The following SPAG9 variants were observed in gnomAD, a reference collection of about 807,000 sequenced individuals.
SPAG9 encodes the protein sperm associated antigen 9.
A neutral mutation model predicts 166.5 loss-of-function variants in SPAG9; 35 were observed. That is an observed-to-expected ratio of 0.21 (90% confidence interval 0.16 to 0.28). The LOEUF is 0.28. Among genes scored for constraint, SPAG9 ranks in the 10% least tolerant of loss-of-function variants. The pLI, the probability that SPAG9 is intolerant of heterozygous loss-of-function variation, is 1.00. For synonymous variants in SPAG9, 534 were observed against 565.5 expected, an observed-to-expected ratio of 0.94 and a Z score of 0.79; for missense variants, 1,235 against 1,603.3, an observed-to-expected ratio of 0.77 and a Z score of 3.92.
At chr17:51,038,450 A>G (rs2046705794) in intron 5 of SPAG9, among the ~76,000 whole-genome samples, 1 of 152,238 alleles carries the variant, frequency 6.6e-6, no homozygotes, top group African/African-American at 2.4e-5. Flanking sequence ...GAAGCTGAAT[A>G]TATTGAAATA....
Position 51,084,756 on chromosome 17 carries a change from T to A in SPAG9, c.304-5052A>T, listed in dbSNP as rs11650280. Among the ~76,000 whole-genome samples, 606 of 152,190 alleles carry A rather than the reference T, an allele frequency of 4.0e-3. 3 individuals are homozygous for A. Among genetic ancestry groups the A allele is most frequent in the Middle Eastern group, 6.8e-3 (2 of 294 alleles). On this transcript the variant is annotated intron_variant, in intron 1 of 29. Transcript: ENST00000262013. ...CTCTTGTGTTACGGATAAAATGCTG[T>A]TTTAAAGAACATACAGCATTATGTT...
At chr17:51,098,036 C>A (rs1268255555) in intron 1 of SPAG9, among the ~76,000 whole-genome samples, 1 of 152,022 alleles carries the variant, frequency 6.6e-6, no homozygotes, top group East Asian at 1.9e-4. Flanking sequence ...GTTGCTCAGG[C>A]TGGTTTCAAA....
chr17:51,025,430 T>C (rs1002420081), intron 6 of SPAG9, among the ~76,000 whole-genome samples: 1 of 150,598 alleles, frequency 6.6e-6, no homozygotes, highest in African/African-American at 2.4e-5. Context: ...AGCAAATTCA[T>C]TTGTTTGGAG....
At position 51,019,618 on chromosome 17, in the gene SPAG9, C is replaced by T. The variant is rs147533628; in HGVS notation, c.1091+541G>A. 5.7e-4 allele frequency among the ~76,000 whole-genome samples: 86 copies of T among 151,448 alleles called. 2 individuals carry two copies. The Middle Eastern group carries it at 0.017, about 30-fold the overall frequency. ...CTGTAATCCCAGGACTTTGGGAGGC[C>T]GAGGCGGGTGGATCACCTGAGGTTG... is the stretch of plus-strand genomic sequence containing the variant. On this transcript the variant is annotated intron_variant, in intron 8 of 29. Transcript: ENST00000262013.
chr17:51,079,562 T>C (rs780424947), intron 2 of SPAG9, 22 bp downstream of exon 2: 2 of 1,610,616 alleles, frequency 1.2e-6, no homozygotes, highest in South Asian at 2.2e-5. Context: ...AGTGTACTTA[T>C]GAGAAGAAAT....
intron 1 of SPAG9, among the ~76,000 whole-genome samples, chr17:51,101,754 G>C (rs1240870006): frequency 6.6e-6 from 1 of 152,062 alleles, no homozygotes; most frequent in Non-Finnish European, 1.5e-5. Flanking sequence ...CTCCGGAGTA[G>C]CTGGGATTAT....
rs781226866 is a variant in SPAG9, at chr17:50,989,868, C to T, written c.2622G>A (p.Met874Ile). 1 of 1,613,900 alleles carries T rather than the reference C, an allele frequency of 6.2e-7. No homozygotes were observed. The highest frequency in any genetic ancestry group is 2.2e-5 in the East Asian group (1 of 44,888). Reference sequence around the variant, plus strand: ...CATCAACCTCACTATTTTCTGCTTCCATTTCTACAAAGTAAATAAAACACT... The same window carrying T: ...CATCAACCTCACTATTTTCTGCTTCTATTTCTACAAAGTAAATAAAACACT... ...ASPVMDKPPEMEAENSEVDEN... is the reference protein window; with the variant it reads ...ASPVMDKPPEIEAENSEVDEN... The change falls in exon 21 of 30, where the codon ATG (methionine) becomes ATA (isoleucine). Residue 874 changes from methionine to isoleucine, a missense_variant. Physicochemically the swap from Met to Ile is conservative, Grantham distance 10. Coordinates refer to ENST00000262013, the MANE Select transcript of SPAG9 (RefSeq NM_001130528.3).
chr17:50,996,580 A>G lies in SPAG9; in HGVS notation c.1953T>C (p.Pro651=). 6.2e-7 allele frequency: 1 copy of G among 1,614,062 alleles called. No homozygotes were observed. Among genetic ancestry groups the G allele is most frequent in the Non-Finnish European group, 8.5e-7 (1 of 1,180,010 alleles). Reference sequence around the variant, plus strand: ...TGCATATTACCTGTTTGTACTTCTGAGGCAGACTCCAGCCAAAAGCCTGCA... The same window carrying G: ...TGCATATTACCTGTTTGTACTTCTGGGGCAGACTCCAGCCAAAAGCCTGCA... ...GRVQAFGWSL[P]QKYKQVTNGQ... The change falls in exon 16 of 30, where the codon CCT becomes CCC. Residue 651 remains proline, a synonymous_variant. Transcript: ENST00000262013.
intron 5 of SPAG9, among the ~76,000 whole-genome samples, chr17:51,038,752 C>T (rs545152222): frequency 6.4e-4 from 97 of 152,252 alleles, no homozygotes; most frequent in African/African-American, 2.3e-3. Context: ...TTCTCTCATA[C>T]CCTAAAATGA....
At chr17:51,118,964 G>A (rs999116472) in intron 1 of SPAG9, among the ~76,000 whole-genome samples, 35 of 149,710 alleles carry the variant, frequency 2.3e-4, no homozygotes, top group Middle Eastern at 3.4e-3. Context: ...AACCCGGCAG[G>A]CAGAGGTTGC....
chr17:51,071,851 G>A (rs925180012), intron 2 of SPAG9, among the ~76,000 whole-genome samples: 3 of 152,066 alleles, frequency 2.0e-5, no homozygotes, highest in Admixed American at 6.6e-5. Flanking sequence ...ATGTTCATGA[G>A]AATTGACAAA....
At chr17:51,093,170 T>G (rs1051360700) in intron 1 of SPAG9, among the ~76,000 whole-genome samples, 5 of 143,592 alleles carry the variant, frequency 3.5e-5, no homozygotes, top group Admixed American at 1.4e-4. Context: ...AGCTCAGGAG[T>G]TCGAGACAAG....
intron 2 of SPAG9, among the ~76,000 whole-genome samples, chr17:51,074,709 A>AT (rs1333372352): frequency 6.6e-6 from 1 of 152,166 alleles, no homozygotes; most frequent in Non-Finnish European, 1.5e-5. Context: ...AAATGATCTC[A>AT]TTTTTATAAA....
Position 51,120,622 on chromosome 17 carries a change from T to A in SPAG9, c.35A>T (p.Glu12Val), listed in dbSNP as rs2049451278. The change falls in exon 1 of 30, where the codon GAG (glutamate) becomes GTG (valine). Residue 12 changes from glutamate (E) to valine (V), a missense_variant. Physicochemically the swap from Glu to Val is moderately radical, Grantham distance 121. Coordinates refer to ENST00000262013, the MANE Select transcript of SPAG9 (RefSeq NM_001130528.3). The surrounding 1 kb of genome is among the most constrained non-coding windows in gnomAD (Gnocchi z 4.7). ...CATCACGGCCCCGGAGCCGCCGGGCTCCTCCTGATACACCACACCGTCCTC... is the reference window on the plus strand; with the variant it reads ...CATCACGGCCCCGGAGCCGCCGGGCACCTCCTGATACACCACACCGTCCTC... ...ELEDGVVYQE[E>V]PGGSGAVMSE... The A allele has an allele frequency of 1.2e-6, 2 of 1,611,090 alleles. No homozygotes were observed. Among genetic ancestry groups the A allele is most frequent in the African/African-American group, 1.3e-5 (1 of 74,764 alleles).
At chr17:51,028,669 T>G (rs1598034782) in intron 6 of SPAG9, among the ~76,000 whole-genome samples, 1 of 152,202 alleles carries the variant, frequency 6.6e-6, no homozygotes, top group East Asian at 1.9e-4. Context: ...TACACATTTC[T>G]CAGAATGTAT....
intron 13 of SPAG9, 56 bp from the exon 14 acceptor site, chr17:50,999,773 T>C (rs569381120): frequency 1.6e-5 from 24 of 1,486,142 alleles, no homozygotes; most frequent in Middle Eastern, 3.4e-4. Context: ...TCTACCTTTC[T>C]TTCTGAAGAA....
At chr17:51,024,433 T>C (rs2046071627) in intron 6 of SPAG9, among the ~76,000 whole-genome samples, 1 of 151,614 alleles carries the variant, frequency 6.6e-6, no homozygotes, top group South Asian at 2.1e-4. Context: ...ATGTTAAGAG[T>C]ACAATACTTT....
At chr17:51,072,900 G>T (rs1353322731) in intron 2 of SPAG9, among the ~76,000 whole-genome samples, 1 of 152,072 alleles carries the variant, frequency 6.6e-6, no homozygotes, top group Non-Finnish European at 1.5e-5. Flanking sequence ...TAAAAAATAA[G>T]AAGTTTTTAG....
intron 24 of SPAG9, among the ~76,000 whole-genome samples, chr17:50,983,980 A>G (rs913837761): frequency 6.6e-5 from 10 of 152,220 alleles, no homozygotes; most frequent in African/African-American, 1.9e-4. Flanking sequence ...CCAGAAAGAT[A>G]GGAGATTTTG....
Sources: allele counts gnomAD v4.1 joint callset (sites outside exome capture counted in the v4.1 genomes callset), GRCh38; gene constraint gnomAD v4.1.1; non-coding constraint Gnocchi (gnomAD v3.1); transcripts MANE v1.5; gene names NCBI Gene and HGNC (gene_info 2026-07-23, HGNC 2026-07-21).